The following FRMPD4 variants were observed in gnomAD, a reference collection of about 807,000 sequenced individuals.
FRMPD4 encodes the protein FERM and PDZ domain containing 4, also known as FERM and PDZ domain-containing protein 4.
Under a neutral mutation model 94.1 loss-of-function variants are expected in FRMPD4, and 22 were observed. That is an observed-to-expected ratio of 0.23 (90% CI 0.17 to 0.33). The LOEUF (loss-of-function observed/expected upper bound fraction) is 0.33, where lower values mean the gene tolerates loss of function less well. Among genes scored for constraint, FRMPD4 ranks in the 10% least tolerant of loss-of-function variants. The pLI is 1.00. For synonymous variants in FRMPD4, 631 were observed against 548.6 expected (o/e 1.15, Z -2.10); for missense variants, 1,111 against 1,339.9 (o/e 0.83, Z 2.67).
intron 1 of FRMPD4, among the ~76,000 whole-genome samples, chrX:12,251,632 G>A (rs906781302): frequency 8.9e-6 from 1 of 111,959 alleles, no homozygotes; most frequent in South Asian, 3.8e-4. Flanking sequence ...TCCCTCACCA[G>A]GTGTTCCTTA....
chrX:11,996,941 A>G (rs1317248454), intron 3 of FRMPD4, among the ~76,000 whole-genome samples: 1 of 111,725 alleles, frequency 9.0e-6, no homozygotes, highest in African/African-American at 3.3e-5. Flanking sequence ...TTGCAGCTCT[A>G]AAAAGTCTGG....
chrX:12,235,558 G>A (rs2057062208), intron 1 of FRMPD4, among the ~76,000 whole-genome samples: 1 of 112,150 alleles, frequency 8.9e-6, no homozygotes, highest in Admixed American at 9.4e-5. Flanking sequence ...TACATGCATA[G>A]CTGATAGTGT....
At chrX:12,602,304 G>A (rs2059092017) in intron 2 of FRMPD4, among the ~76,000 whole-genome samples, 1 of 111,220 alleles carries the variant, frequency 9.0e-6, no homozygotes, top group Non-Finnish European at 1.9e-5. Context: ...TTCCATGTTA[G>A]GCCCCCTTCC....
chrX:12,106,862 G>A (rs1448703675), intron 3 of FRMPD4, among the ~76,000 whole-genome samples: 2 of 112,057 alleles, frequency 1.8e-5, no homozygotes, highest in Non-Finnish European at 3.8e-5. Flanking sequence ...GGGGCGTCCT[G>A]CCATTGCTGA....
intron 1 of FRMPD4, among the ~76,000 whole-genome samples, chrX:12,206,779 C>A (rs1388625885): frequency 8.9e-6 from 1 of 112,074 alleles, no homozygotes; most frequent in East Asian, 2.8e-4. Flanking sequence ...GCATTGACTC[C>A]AACCCTGATT....
rs748494521 is a variant in FRMPD4 at position 12,674,873 on chromosome X, G to A, written c.433G>A (p.Glu145Lys). Residue 145 changes from glutamate to lysine, a missense_variant, in exon 5 of 17, where the codon GAA becomes AAA. Physicochemically the swap from Glu to Lys is moderately conservative, Grantham distance 56. Coordinates refer to ENST00000675598, the MANE Select transcript of FRMPD4 (RefSeq NM_001368397.1). The part of the protein sequence containing the change: ...RVIDLVRSCK[E>K]SILLTVIQPY... ...TTTTCTCTCTTACAGAAGCTGCAAA[G>A]AATCGATACTCCTCACTGTCATTCA... 2 of 1,165,129 alleles carry A rather than the reference G, an allele frequency of 1.7e-6. No homozygotes were observed. Among genetic ancestry groups the A allele is most frequent in the Non-Finnish European group, 2.3e-6 (2 of 852,962 alleles).
intron 1 of FRMPD4, among the ~76,000 whole-genome samples, chrX:11,830,478 A>T: frequency 9.0e-6 from 1 of 111,716 alleles, no homozygotes; most frequent in Non-Finnish European, 1.9e-5. Flanking sequence ...TTGAAAACAT[A>T]GTGCCATATT....
At chrX:12,382,750 C>T (rs1189843038) in intron 1 of FRMPD4, among the ~76,000 whole-genome samples, 1 of 111,431 alleles carries the variant, frequency 9.0e-6, no homozygotes, top group Non-Finnish European at 1.9e-5. Context: ...CCCAGCATCC[C>T]CTATCTATCA....
intron 1 of FRMPD4, among the ~76,000 whole-genome samples, chrX:12,476,597 T>C (rs1465858356): frequency 5.4e-5 from 6 of 111,268 alleles, no homozygotes; most frequent in Non-Finnish European, 1.1e-4. Context: ...GAATCTACAA[T>C]GAACTCAAAC....
chrX:11,841,550 G>C (rs1314623948), intron 1 of FRMPD4, among the ~76,000 whole-genome samples: 6 of 110,130 alleles, frequency 5.4e-5, no homozygotes, highest in Non-Finnish European at 1.1e-4. Context: ...GTCTTCTTTT[G>C]AGACGTGTCT....
At chrX:12,610,734 T>G (rs2059174355) in intron 3 of FRMPD4, among the ~76,000 whole-genome samples, 1 of 85,988 alleles carries the variant, frequency 1.2e-5, no homozygotes, top group African/African-American at 5.3e-5. Flanking sequence ...GGCAACAGAG[T>G]GAGACCCTGT....
At chrX:12,080,139 C>G (rs963945209) in intron 3 of FRMPD4, among the ~76,000 whole-genome samples, 2 of 112,165 alleles carry the variant, frequency 1.8e-5, no homozygotes, top group Non-Finnish European at 3.8e-5. Flanking sequence ...AACTCTGTGG[C>G]TCTCCACTTT....
chrX:11,980,005 G>A (rs1393874390), intron 3 of FRMPD4, among the ~76,000 whole-genome samples: 1 of 111,708 alleles, frequency 9.0e-6, no homozygotes, highest in Non-Finnish European at 1.9e-5. Flanking sequence ...AATACTTAAT[G>A]TGTGTGTGCA....
At chrX:12,397,128 G>A (rs910312856) in intron 1 of FRMPD4, among the ~76,000 whole-genome samples, 4 of 110,690 alleles carry the variant, frequency 3.6e-5, no homozygotes, top group African/African-American at 1.3e-4. Flanking sequence ...TCACCCTGAC[G>A]CAACCAAACG....
intron 3 of FRMPD4, among the ~76,000 whole-genome samples, chrX:12,104,938 T>C (rs190105873): frequency 8.9e-6 from 1 of 111,814 alleles, no homozygotes; most frequent in Non-Finnish European, 1.9e-5. Flanking sequence ...GTGCTAATTA[T>C]CTCCCTTTAT....
intron 1 of FRMPD4, among the ~76,000 whole-genome samples, chrX:12,434,460 CTG>C (rs1227632777): frequency 4.5e-5 from 5 of 112,146 alleles, no homozygotes; most frequent in African/African-American, 1.6e-4. Context: ...GTCCTCCTGT[CTG>C]TGCCAGAAAA....
chrX:12,251,431 CAT>C lies in FRMPD4; in HGVS notation c.41+112421_41+112422del, dbSNP rs772668040. Among the ~76,000 whole-genome samples the C allele has an allele frequency of 9.8e-5, 11 of 112,343 alleles. No homozygotes were observed. In the East Asian group the frequency reaches 3.1e-3, roughly 31 times the overall value. ...TGCCCCCAGCCCGTACACACAAACA[CAT>C]AGATTTTGGCTCATGACTGTCTAGT... is the stretch of plus-strand genomic sequence containing the variant. On this transcript the variant is annotated intron_variant, in intron 1 of 16. Transcript: ENST00000675598.
intron 8 of FRMPD4, among the ~76,000 whole-genome samples, chrX:12,693,218 G>C (rs1418192554): frequency 2.7e-5 from 3 of 112,204 alleles, no homozygotes; most frequent in African/African-American, 9.7e-5. Context: ...CCCTGCATAA[G>C]AGTATTACAC....
intron 3 of FRMPD4, among the ~76,000 whole-genome samples, chrX:12,119,716 T>C (rs1310921070): frequency 8.9e-6 from 1 of 112,818 alleles, no homozygotes; most frequent in African/African-American, 3.2e-5. Flanking sequence ...TTCATCTTTA[T>C]TGTCTTGAAA....
Sources: gnomAD v4.1 joint callset for allele counts (sites outside exome capture counted in the v4.1 genomes callset) on GRCh38, gnomAD v4.1.1 for gene constraint, MANE v1.5 for transcripts, NCBI Gene and HGNC (gene_info 2026-07-23, HGNC 2026-07-21) for gene names.